Variants in SLC24A2 observed in about 807,000 individuals in gnomAD.
The protein encoded by SLC24A2 is sodium/potassium/calcium exchanger 2.
A neutral mutation model predicts 62.0 loss-of-function variants in SLC24A2; 36 were observed. The observed-to-expected ratio is 0.58, with a 90% CI of 0.44 to 0.77. The LOEUF is 0.77. Ranked by LOEUF, SLC24A2 falls within the 30% of genes least tolerant of loss-of-function variation. The pLI is 0.00. For synonymous variants in SLC24A2, 358 were observed against 294.0 expected (o/e 1.22, Z -2.23); for missense variants, 846 against 817.9 (o/e 1.03, Z -0.42).
intron 5 of SLC24A2, among the ~76,000 whole-genome samples, chr9:19,580,222 G>T (rs1308794796): frequency 6.6e-6 from 1 of 152,184 alleles, no homozygotes; most frequent in Non-Finnish European, 1.5e-5. Context: ...ATTCTTTGTC[G>T]CAACTAATAT....
At position 19,708,177 on chromosome 9, in the gene SLC24A2, AC is replaced by A. The variant is rs374776369; in HGVS notation, c.930+77759del. On this transcript the variant is annotated intron_variant, in intron 2 of 10. Transcript: ENST00000341998. ...ACCATTGCTTCAAAGAGAATGAAAT[AC>A]CTAGGAATCCAACTTACAGGGGATG... is the stretch of plus-strand genomic sequence containing the variant. Among the ~76,000 whole-genome samples the A allele has an allele frequency of 3.7e-4, 57 of 152,330 alleles. No homozygotes were observed. In the East Asian group the frequency reaches 0.01, roughly 27 times the overall value.
chr9:20,132,415 A>G, the SLC24A2 span, among the ~76,000 whole-genome samples: 3 of 152,192 alleles, frequency 2.0e-5, no homozygotes, highest in East Asian at 3.9e-4. Context: ...CCTTTAGGTT[A>G]TTTTGAACTT....
chr9:19,900,549 A>C, the SLC24A2 span, among the ~76,000 whole-genome samples: 3 of 152,218 alleles, frequency 2.0e-5, no homozygotes, highest in Non-Finnish European at 4.4e-5. Flanking sequence ...AATTAACATT[A>C]TCTCTTATGA....
chr9:19,905,406 C>CT, the SLC24A2 span, among the ~76,000 whole-genome samples: 1,715 of 143,988 alleles, frequency 0.012, 29 homozygotes, highest in East Asian at 0.047. Context: ...CTTCCCACCT[C>CT]TTTTTTTTTT....
the SLC24A2 span, among the ~76,000 whole-genome samples, chr9:20,081,980 C>T: frequency 1.3e-5 from 2 of 152,120 alleles, no homozygotes; most frequent in African/African-American, 4.8e-5. Context: ...TCCAGCCATC[C>T]CTCATCACCT....
intron 8 of SLC24A2, among the ~76,000 whole-genome samples, chr9:19,534,821 G>A (rs180896445): frequency 1.3e-5 from 2 of 152,242 alleles, no homozygotes; most frequent in African/African-American, 4.8e-5. Context: ...ATAAACATAT[G>A]TGTACATGTG....
At chr9:20,110,614 A>G in the SLC24A2 span, among the ~76,000 whole-genome samples, 2 of 152,300 alleles carry the variant, frequency 1.3e-5, no homozygotes, top group South Asian at 2.1e-4. Context: ...CAGAGTCAGT[A>G]AAAGTGTGGC....
rs952706065 is a variant in SLC24A2, at chr9:19,645,434, T to C, written c.931-23135A>G. Among the ~76,000 whole-genome samples the C allele has an allele frequency of 1.8e-4, 27 of 152,358 alleles. 1 individual carries two copies. Among genetic ancestry groups the C allele is most frequent in the Admixed American group, 1.8e-3 (27 of 15,308 alleles). ...ATAGTTTAGTTTGTGAGTTTATGGCTGTAAGAGAAAAATAGGGACATATTT... is the reference window on the plus strand; with the variant it reads ...ATAGTTTAGTTTGTGAGTTTATGGCCGTAAGAGAAAAATAGGGACATATTT... On this transcript the variant is annotated intron_variant, in intron 2 of 10. Coordinates refer to ENST00000341998, the MANE Select transcript of SLC24A2 (RefSeq NM_020344.4).
chr9:20,127,291 C>G, the SLC24A2 span, among the ~76,000 whole-genome samples: 3 of 152,074 alleles, frequency 2.0e-5, no homozygotes, highest in Non-Finnish European at 4.4e-5. Context: ...GGGGCTTCAT[C>G]TTGCTGATTG....
chr9:19,990,635 CAA>C, the SLC24A2 span, among the ~76,000 whole-genome samples: 2,451 of 116,894 alleles, frequency 0.021, 70 homozygotes, highest in African/African-American at 0.066. Context: ...AAAAACAAAA[CAA>C]AAAAAAAAAA....
the SLC24A2 span, among the ~76,000 whole-genome samples, chr9:19,894,462 G>C: frequency 6.6e-6 from 1 of 151,976 alleles, no homozygotes; most frequent in Non-Finnish European, 1.5e-5. Context: ...TGGCAAATTG[G>C]TAACATTCAT....
chr9:20,291,692 C>T, the SLC24A2 span, among the ~76,000 whole-genome samples: 1 of 152,104 alleles, frequency 6.6e-6, no homozygotes, highest in Non-Finnish European at 1.5e-5. Flanking sequence ...CGCTGGAGCA[C>T]TAAAATAATT....
intron 7 of SLC24A2, among the ~76,000 whole-genome samples, chr9:19,553,126 A>G (rs1834924770): frequency 6.6e-6 from 1 of 152,212 alleles, no homozygotes; most frequent in African/African-American, 2.4e-5. Context: ...GTTGGCATAC[A>G]TTAGGTGAAA....
At chr9:19,544,235 G>GA in intron 8 of SLC24A2, among the ~76,000 whole-genome samples, 1 of 147,018 alleles carries the variant, frequency 6.8e-6, no homozygotes. Flanking sequence ...TTTTGTCGGA[G>GA]ACTAGGATTG....
At chr9:19,966,694 C>T in the SLC24A2 span, among the ~76,000 whole-genome samples, 10 of 152,086 alleles carry the variant, frequency 6.6e-5, no homozygotes, top group African/African-American at 2.4e-4. Flanking sequence ...AGGGAAAAAT[C>T]AATACAGGAA....
chr9:19,544,636 A>G (rs1328465603), intron 8 of SLC24A2, among the ~76,000 whole-genome samples: 1 of 152,076 alleles, frequency 6.6e-6, no homozygotes, highest in African/African-American at 2.4e-5. Flanking sequence ...TGGTGACAAA[A>G]TCTCTCGGCA....
Position 19,786,216 on chromosome 9 carries a change from G to C in SLC24A2, c.651C>G (p.Leu217=), listed in dbSNP as rs1823165683. Residue 217 remains leucine (L), a synonymous_variant, in exon 2 of 11, where the codon CTC becomes CTG. Coordinates refer to ENST00000341998, the MANE Select transcript of SLC24A2 (RefSeq NM_020344.4). This position sits in a 1 kb window ranked among gnomAD's most constrained non-coding sequence, Gnocchi z 5.0. ...ACAGAGCACACATGCCAATAACAAAGAGGATGTTGAATACTGCTGAACCTA... is the reference window on the plus strand; with the variant it reads ...ACAGAGCACACATGCCAATAACAAACAGGATGTTGAATACTGCTGAACCTA... ...TIVGSAVFNI[L]FVIGMCALFS... 18 of 1,613,992 alleles carry C rather than the reference G, an allele frequency of 1.1e-5. No homozygotes were observed. The highest frequency in any genetic ancestry group is 1.3e-5 in the Non-Finnish European group (15 of 1,180,042).
the SLC24A2 span, among the ~76,000 whole-genome samples, chr9:20,080,538 A>G: frequency 6.6e-6 from 1 of 152,078 alleles, no homozygotes; most frequent in Non-Finnish European, 1.5e-5. Flanking sequence ...AAGAAAACCT[A>G]GGCAATACCA....
At chr9:20,189,996 C>T in the SLC24A2 span, among the ~76,000 whole-genome samples, 1 of 152,118 alleles carries the variant, frequency 6.6e-6, no homozygotes, top group Non-Finnish European at 1.5e-5. Flanking sequence ...ATCCAAGCAT[C>T]CAGGAGGAAT....
Sources: allele counts gnomAD v4.1 joint callset (sites outside exome capture counted in the v4.1 genomes callset), GRCh38; gene constraint gnomAD v4.1.1; non-coding constraint Gnocchi (gnomAD v3.1); transcripts MANE v1.5; gene names NCBI Gene and HGNC (gene_info 2026-07-23, HGNC 2026-07-21).